Variants in CDH2 observed in about 807,000 individuals in gnomAD.
The protein encoded by CDH2 is cadherin 2, also known as cadherin-2.
CDH2 carries 17 observed loss-of-function variants against 92.0 expected under a neutral mutation model. That is an observed-to-expected ratio of 0.18 (90% confidence interval 0.13 to 0.28). The LOEUF is 0.28. CDH2 is among the 10% of genes least tolerant of loss of function. CDH2 has a pLI of 1.00. For synonymous variants in CDH2, 419 were observed against 415.9 expected (o/e 1.01, Z -0.09); for missense variants, 862 against 1,133.1 (o/e 0.76, Z 3.44).
chr18:28,167,565 CA>C (rs1293449237), intron 1 of CDH2, among the ~76,000 whole-genome samples: 12 of 151,832 alleles, frequency 7.9e-5, no homozygotes, highest in Non-Finnish European at 7.4e-5. Context: ...TATAAATGAG[CA>C]AAAAAATCAT....
rs753614802 is a variant in CDH2 at position 28,007,156 on chromosome 18, TAA to T, written c.703-1165_703-1164del. On this transcript the variant is annotated intron_variant, in intron 5 of 15. Transcript: ENST00000269141. ...GCCTGGGCAACAGAGTGAGACTCCA[TAA>T]AAAAAAAATATATATATATATATAT... Among the ~76,000 whole-genome samples, 25 of 106,640 alleles carry T rather than the reference TAA, an allele frequency of 2.3e-4. 1 individual carries two copies. The highest frequency in any genetic ancestry group is 6.8e-4 in the African/African-American group (16 of 23,686). 70.0% of individuals were successfully genotyped at this position (106,640 alleles called of 152,430 possible). A position where few individuals can be genotyped will look rare whatever the true frequency, so the allele number is the denominator to read the frequency against.
In CDH2 at chr18:27,992,675, C is replaced by T; in HGVS notation, c.1324G>A (p.Gly442Arg). 1 of 1,612,982 alleles carries T rather than the reference C, an allele frequency of 6.2e-7. No homozygotes were observed. Among genetic ancestry groups the T allele is most frequent in the Non-Finnish European group, 8.5e-7 (1 of 1,179,398 alleles). Residue 442 changes from glycine (G) to arginine (R), a missense_variant, in exon 9 of 16, where the codon GGG (glycine) becomes AGG (arginine). Physicochemically the swap from Gly to Arg is moderately radical, Grantham distance 125 (BLOSUM62 -2). Around this residue, in one of 5 missense-constraint regions of CDH2, gnomAD observed 564 missense variants for 722.2 expected, o/e 0.78. Coordinates refer to ENST00000269141, the MANE Select transcript of CDH2 (RefSeq NM_001792.5). Reference sequence around the variant, plus strand: ...CTTACTTTGACCACGGTGACTAACCCGTCGTTGCTGTTTGGGTCGGTCTGG... The same window carrying T: ...CTTACTTTGACCACGGTGACTAACCTGTCGTTGCTGTTTGGGTCGGTCTGG... ...AIQTDPNSNDGLVTVVKPIDF... is the reference protein window; with the variant it reads ...AIQTDPNSNDRLVTVVKPIDF...
chr18:27,985,628 T>C lies in CDH2; in HGVS notation c.1875A>G (p.Ala625=). Residue 625 remains alanine (A), a synonymous_variant, in exon 12 of 16, where the codon GCA becomes GCG. Transcript: ENST00000269141. ...TPDPNSINIT[A]LDYDIDPNAG... ...CATTTGGATCAATGTCATAATCAAG[T>C]GCTGTAATATTAATTGAATTGGGGT... is the stretch of plus-strand genomic sequence containing the variant. The C allele has an allele frequency of 6.2e-7, 1 of 1,613,838 alleles. No homozygotes were observed. The highest frequency in any genetic ancestry group is 8.5e-7 in the Non-Finnish European group (1 of 1,179,758).
At chr18:27,996,457 A>G (rs2012584527) in intron 7 of CDH2, among the ~76,000 whole-genome samples, 1 of 152,180 alleles carries the variant, frequency 6.6e-6, no homozygotes, top group Non-Finnish European at 1.5e-5. Context: ...TGCCTAGAAT[A>G]CCATTCCCTT....
intron 1 of CDH2, among the ~76,000 whole-genome samples, chr18:28,171,229 A>T (rs1335330486): frequency 2.0e-5 from 3 of 151,600 alleles, no homozygotes; most frequent in Non-Finnish European, 4.4e-5. Flanking sequence ...TGTCTTTAAA[A>T]AAAAAAAAAA....
intron 2 of CDH2, among the ~76,000 whole-genome samples, chr18:28,048,302 T>C (rs2014121645): frequency 6.6e-6 from 1 of 151,574 alleles, no homozygotes; most frequent in Non-Finnish European, 1.5e-5. Flanking sequence ...TTTACCTCCA[T>C]TTAGTGTTTA....
intron 2 of CDH2, among the ~76,000 whole-genome samples, chr18:28,127,017 C>T (rs1353973764): frequency 6.6e-6 from 1 of 152,144 alleles, no homozygotes; most frequent in African/African-American, 2.4e-5. Context: ...AAAGGTCCCA[C>T]TTGGCCAGGC....
At chr18:28,070,452 T>G (rs2014594177) in intron 2 of CDH2, among the ~76,000 whole-genome samples, 1 of 152,200 alleles carries the variant, frequency 6.6e-6, no homozygotes, top group African/African-American at 2.4e-5. Context: ...AATCAGATGC[T>G]CTCATTCCAT....
chr18:28,031,258 T>C (rs1321217363), intron 2 of CDH2, among the ~76,000 whole-genome samples: 1 of 151,962 alleles, frequency 6.6e-6, no homozygotes, highest in African/African-American at 2.4e-5. Context: ...GAGTTGAGCT[T>C]AACTCTTGTC....
intron 2 of CDH2, among the ~76,000 whole-genome samples, chr18:28,085,371 C>G (rs1336450722): frequency 6.6e-6 from 1 of 152,126 alleles, no homozygotes; most frequent in African/African-American, 2.4e-5. Context: ...CTAGCAAGCA[C>G]AGGACCGCAA....
chr18:28,097,900 GT>G (rs1160938308), intron 2 of CDH2, among the ~76,000 whole-genome samples: 2 of 152,094 alleles, frequency 1.3e-5, no homozygotes, highest in East Asian at 1.9e-4. Flanking sequence ...ATAAAATGGA[GT>G]TTTTTTGTTA....
rs1365942755 is a variant in CDH2, at chr18:28,135,864, C to T, written c.172+11809G>A. Among the ~76,000 whole-genome samples the T allele has an allele frequency of 2.0e-5, 3 of 152,242 alleles. No homozygotes were observed. In the East Asian group the frequency reaches 5.8e-4, roughly 29 times the overall value. ...ACCATGCAGAAATTCTACAAAGAGACATTTAAATTTAAATGATTGCCACAA... is the reference window on the plus strand; with the variant it reads ...ACCATGCAGAAATTCTACAAAGAGATATTTAAATTTAAATGATTGCCACAA... On this transcript the variant is annotated intron_variant, in intron 2 of 15. Transcript: ENST00000269141.
intron 2 of CDH2, among the ~76,000 whole-genome samples, chr18:28,105,608 A>C (rs2015307968): frequency 6.6e-6 from 1 of 152,156 alleles, no homozygotes; most frequent in Non-Finnish European, 1.5e-5. Flanking sequence ...CAAACCTAGA[A>C]GGAAAGTTCA....
intron 2 of CDH2, among the ~76,000 whole-genome samples, chr18:28,132,693 A>C (rs1170082877): frequency 6.6e-6 from 1 of 152,162 alleles, no homozygotes; most frequent in East Asian, 1.9e-4. Context: ...GCAGATACCC[A>C]AACACTAATT....
chr18:27,985,787 G>C (rs554437984), intron 11 of CDH2, 26 bp from the exon 12 acceptor site: 12 of 1,331,248 alleles, frequency 9.0e-6, no homozygotes, highest in South Asian at 7.4e-5. Context: ...AATCACAAAT[G>C]ATGCTGAACA....
intron 1 of CDH2, among the ~76,000 whole-genome samples, chr18:28,173,692 C>T (rs1323635620): frequency 1.3e-5 from 2 of 151,988 alleles, no homozygotes; most frequent in Non-Finnish European, 1.5e-5. Flanking sequence ...CCTAGATGCC[C>T]CATAACCCAT....
intron 7 of CDH2, among the ~76,000 whole-genome samples, chr18:28,000,324 A>G (rs998577530): frequency 6.6e-6 from 1 of 152,074 alleles, no homozygotes; most frequent in African/African-American, 2.4e-5. Flanking sequence ...CAGGTCTTGA[A>G]CTTCTGGGCT....
chr18:28,052,103 T>C (rs995858593), intron 2 of CDH2, among the ~76,000 whole-genome samples: 1 of 152,204 alleles, frequency 6.6e-6, no homozygotes. Context: ...AGATATCCGA[T>C]ATATGAAGTT....
chr18:28,170,269 T>A (rs771485315), intron 1 of CDH2, among the ~76,000 whole-genome samples: 3 of 152,236 alleles, frequency 2.0e-5, no homozygotes, highest in African/African-American at 7.2e-5. Flanking sequence ...TTATAGCTTA[T>A]ATTGTGGTCT....
Sources: allele counts gnomAD v4.1 joint callset (sites outside exome capture counted in the v4.1 genomes callset), GRCh38; gene constraint gnomAD v4.1.1; regional missense constraint gnomAD v4.1.1; transcripts MANE v1.5; gene names NCBI Gene and HGNC (gene_info 2026-07-23, HGNC 2026-07-21).